Variants in AK8 observed in about 807,000 individuals in gnomAD.
AK8 encodes adenylate kinase 8.
Under a neutral mutation model 54.6 loss-of-function variants are expected in AK8, and 44 were observed. The observed-to-expected ratio is 0.81, with a 90% CI of 0.63 to 1.04. The LOEUF (loss-of-function observed/expected upper bound fraction) is 1.04, where lower values mean the gene tolerates loss of function less well. Among genes scored for constraint, AK8 ranks in the 50% least tolerant of loss-of-function variants. The pLI is 0.00. For synonymous variants in AK8, 239 were observed against 245.6 expected, an observed-to-expected ratio of 0.97 and a Z score of 0.25; for missense variants, 555 against 613.6, an observed-to-expected ratio of 0.90 and a Z score of 1.01.
chr9:132,807,477 T>G (rs1392123680), intron 10 of AK8, among the ~76,000 whole-genome samples: 1 of 152,132 alleles, frequency 6.6e-6, no homozygotes, highest in African/African-American at 2.4e-5. Flanking sequence ...CTGTTTTTCA[T>G]CTCCTCCCTG....
chr9:132,740,133 C>G (rs1837301548), intron 11 of AK8, among the ~76,000 whole-genome samples: 1 of 152,252 alleles, frequency 6.6e-6, no homozygotes, highest in Admixed American at 6.5e-5. Flanking sequence ...TAGCACGCCC[C>G]TGCCACAGCA....
At chr9:132,795,585 G>A (rs1216702189) in intron 10 of AK8, among the ~76,000 whole-genome samples, 1 of 152,184 alleles carries the variant, frequency 6.6e-6, no homozygotes, top group Non-Finnish European at 1.5e-5. Flanking sequence ...AACCAATACA[G>A]AAATAATCCT....
At chr9:132,834,457 A>G (rs547819423) in intron 5 of AK8, among the ~76,000 whole-genome samples, 2 of 152,354 alleles carry the variant, frequency 1.3e-5, no homozygotes, top group African/African-American at 4.8e-5. Context: ...TTTTTATCTC[A>G]AAGTTGAATC....
intron 1 of AK8, among the ~76,000 whole-genome samples, chr9:132,877,037 G>C (rs1296280656): frequency 6.6e-6 from 1 of 152,182 alleles, no homozygotes; most frequent in Non-Finnish European, 1.5e-5. Context: ...CTGCACTCCA[G>C]CCTGGGCAGC....
chr9:132,818,608 G>A (rs1401916200), intron 9 of AK8, among the ~76,000 whole-genome samples: 10 of 152,070 alleles, frequency 6.6e-5, no homozygotes, highest in African/African-American at 2.2e-4. Context: ...GAAAGAAAAT[G>A]GATTACTAAA....
intron 1 of AK8, 68 bp from the exon 2 acceptor site, chr9:132,875,267 G>A: frequency 6.3e-7 from 1 of 1,588,214 alleles, no homozygotes; most frequent in Non-Finnish European, 8.6e-7. Context: ...ACAGATACCA[G>A]CTATGGGGCC....
chr9:132,771,167 TCA>T (rs1838963409), intron 11 of AK8, among the ~76,000 whole-genome samples: 3 of 152,186 alleles, frequency 2.0e-5, no homozygotes, highest in Admixed American at 2.0e-4. Flanking sequence ...TCTTGGAGCC[TCA>T]GTTTCCTCAG....
chr9:132,775,058 A>G (rs1377114664), intron 11 of AK8, among the ~76,000 whole-genome samples: 3 of 152,182 alleles, frequency 2.0e-5, no homozygotes, highest in Non-Finnish European at 2.9e-5. Flanking sequence ...CAGGAAATGG[A>G]GAACAGTCAT....
chr9:132,750,013 C>T (rs1006527829), intron 11 of AK8, among the ~76,000 whole-genome samples: 3 of 151,620 alleles, frequency 2.0e-5, no homozygotes, highest in Admixed American at 6.6e-5. Context: ...CTTGGAGATA[C>T]TGACAGCACA....
intron 1 of AK8, among the ~76,000 whole-genome samples, chr9:132,876,472 C>T (rs10901218): frequency 0.2 from 30,901 of 152,018 alleles, 3,436 homozygotes; most frequent in East Asian, 0.44. Context: ...GGTGCAGTAG[C>T]GGTTATGCAA....
In AK8 at chr9:132,826,966, C is replaced by T. The variant is rs1262354259; in HGVS notation, c.645G>A (p.Thr215=). 5.6e-6 allele frequency: 9 copies of T among 1,614,224 alleles called. No homozygotes were observed. Among genetic ancestry groups the T allele is most frequent in the Admixed American group, 3.3e-5 (2 of 60,032 alleles). ...TATGATACTCCAGCAGTTTCTGAGC[C>T]GTCTCCAGCTCTGAGATGTCCTCTG... The part of the protein sequence containing the change: ...MVPEDISELE[T]AQKLLEYHRN... Residue 215 remains threonine (T), a synonymous_variant, in exon 8 of 13, where the codon ACG becomes ACA. Transcript: ENST00000298545. This position sits in a 1 kb window ranked among gnomAD's most constrained non-coding sequence, Gnocchi z 4.5.
At chr9:132,785,847 T>C (rs567191108) in intron 11 of AK8, among the ~76,000 whole-genome samples, 16 of 152,324 alleles carry the variant, frequency 1.1e-4, no homozygotes, top group African/African-American at 3.1e-4. Flanking sequence ...AAGTAAAACT[T>C]AGGAACATGC....
intron 5 of AK8, among the ~76,000 whole-genome samples, chr9:132,842,598 G>A (rs1007083660): frequency 6.6e-6 from 1 of 152,248 alleles, no homozygotes; most frequent in Non-Finnish European, 1.5e-5. Context: ...AGAGCACTGT[G>A]TATTCCTTTT....
chr9:132,808,162 G>A (rs1008634282), intron 10 of AK8, among the ~76,000 whole-genome samples: 1 of 152,122 alleles, frequency 6.6e-6, no homozygotes, highest in Non-Finnish European at 1.5e-5. Flanking sequence ...AAAGTGACAG[G>A]AGCTCCCTGG....
chr9:132,740,081 G>A (rs964633116), intron 11 of AK8, among the ~76,000 whole-genome samples: 1 of 152,224 alleles, frequency 6.6e-6, no homozygotes, highest in African/African-American at 2.4e-5. Context: ...ATGCGGAAGA[G>A]AAGTGCACAT....
At chr9:132,867,191 G>A (rs183784157) in intron 2 of AK8, among the ~76,000 whole-genome samples, 6 of 151,888 alleles carry the variant, frequency 4.0e-5, no homozygotes, top group African/African-American at 9.7e-5. Context: ...ACAGAGACAC[G>A]GTAACTTGTT....
intron 10 of AK8, among the ~76,000 whole-genome samples, chr9:132,793,220 G>A (rs1840022559): frequency 6.6e-6 from 1 of 152,190 alleles, no homozygotes; most frequent in Non-Finnish European, 1.5e-5. Flanking sequence ...GGTGGAAGGG[G>A]TGAGAAGTCT....
chr9:132,786,202 G>T (rs914568765), intron 11 of AK8, among the ~76,000 whole-genome samples: 6 of 152,210 alleles, frequency 3.9e-5, no homozygotes, highest in Non-Finnish European at 5.9e-5. Flanking sequence ...AAATAAGGGG[G>T]CTTGGTTGAA....
At chr9:132,780,565 T>C (rs988847354) in intron 11 of AK8, among the ~76,000 whole-genome samples, 1 of 152,232 alleles carries the variant, frequency 6.6e-6, no homozygotes, top group African/African-American at 2.4e-5. Flanking sequence ...TGGGCTCCTC[T>C]GGATGTGGGA....
Sources: allele counts gnomAD v4.1 joint callset (sites outside exome capture counted in the v4.1 genomes callset), GRCh38; gene constraint gnomAD v4.1.1; non-coding constraint Gnocchi (gnomAD v3.1); transcripts MANE v1.5; gene names NCBI Gene and HGNC (gene_info 2026-07-23, HGNC 2026-07-21).